SGCZ: variants seen among roughly 807,000 people sequenced by gnomAD.
SGCZ encodes zeta-sarcoglycan.
Under a neutral mutation model 41.3 loss-of-function variants are expected in SGCZ, and 40 were observed. The observed-to-expected ratio is 0.97, with a 90% CI of 0.75 to 1.26. The LOEUF (loss-of-function observed/expected upper bound fraction) is 1.26. Among genes scored for constraint, SGCZ ranks in the 50% most tolerant of loss-of-function variants. The probability of loss-of-function intolerance (pLI) is 0.00; values close to 1 mark genes in which losing one functional copy is unlikely to be tolerated. For synonymous variants in SGCZ, 206 were observed against 137.5 expected (o/e 1.50, Z -3.49); for missense variants, 552 against 369.8 (o/e 1.49, Z -4.04).
At chr8:15,058,063 T>C (rs1750094912) in intron 1 of SGCZ, among the ~76,000 whole-genome samples, 1 of 152,164 alleles carries the variant, frequency 6.6e-6, no homozygotes, top group Non-Finnish European at 1.5e-5. Flanking sequence ...GGAAATTGAA[T>C]AGAGAGCAAC....
chr8:14,631,374 C>T (rs1199517918), intron 1 of SGCZ, among the ~76,000 whole-genome samples: 7 of 151,998 alleles, frequency 4.6e-5, no homozygotes, highest in South Asian at 4.1e-4. Context: ...TACTTACTCA[C>T]GAGAGCCTAT....
At chr8:14,242,276 C>A (rs543631248) in intron 3 of SGCZ, among the ~76,000 whole-genome samples, 14 of 152,220 alleles carry the variant, frequency 9.2e-5, no homozygotes, top group African/African-American at 3.4e-4. Flanking sequence ...GTGGTACAAA[C>A]AGCAACCAAC....
chr8:14,531,853 G>A (rs998856422), intron 2 of SGCZ, among the ~76,000 whole-genome samples: 1 of 152,032 alleles, frequency 6.6e-6, no homozygotes, highest in African/African-American at 2.4e-5. Context: ...ATGTAAGGAA[G>A]CAAGAGATTA....
At chr8:14,162,544 C>T (rs561709614) in intron 5 of SGCZ, 41 of 152,254 alleles carry the variant, frequency 2.7e-4, no homozygotes, top group African/African-American at 9.6e-4. Context: ...ACAAACAGAA[C>T]TCTCTTTCTC....
At chr8:14,863,324 A>G (rs955152105) in intron 1 of SGCZ, among the ~76,000 whole-genome samples, 2 of 152,018 alleles carry the variant, frequency 1.3e-5, no homozygotes, top group Non-Finnish European at 2.9e-5. Flanking sequence ...TTTAATTACT[A>G]TTATTATTAC....
intron 1 of SGCZ, among the ~76,000 whole-genome samples, chr8:15,237,344 G>T (rs1008668124): frequency 1.2e-4 from 18 of 152,342 alleles, no homozygotes; most frequent in African/African-American, 4.3e-4. Context: ...GTGGCCGCTG[G>T]CGGGAGGAGC....
intron 3 of SGCZ, among the ~76,000 whole-genome samples, chr8:14,305,602 G>A (rs1381121968): frequency 6.6e-6 from 1 of 152,158 alleles, no homozygotes; most frequent in Non-Finnish European, 1.5e-5. Flanking sequence ...CAGTCTGTCA[G>A]AGAGAGTGTT....
intron 1 of SGCZ, among the ~76,000 whole-genome samples, chr8:14,904,834 A>T (rs59491954): frequency 0.054 from 8,230 of 151,972 alleles, 504 homozygotes; most frequent in African/African-American, 0.14. Context: ...GATTTTCTCT[A>T]TAATCTTATT....
At chr8:14,918,040 T>C (rs1039202586) in intron 1 of SGCZ, among the ~76,000 whole-genome samples, 1 of 152,154 alleles carries the variant, frequency 6.6e-6, no homozygotes, top group Non-Finnish European at 1.5e-5. Flanking sequence ...TTGGCAAGTA[T>C]AGAGATAGTA....
rs563001519 is a variant in SGCZ, at chr8:15,174,843, A to G, written c.39+62742T>C. Among the ~76,000 whole-genome samples, 6 of 152,312 alleles carry G rather than the reference A, an allele frequency of 3.9e-5. 1 individual carries two copies. In the South Asian group the frequency reaches 1.2e-3, roughly 32 times the overall value. On this transcript the variant is annotated intron_variant, in intron 1 of 7. Transcript: ENST00000382080. ...AAAATTATTGGCTATTACTAAAAAC[A>G]TAACACATGCTGGTAAGGTTGTGGA...
In SGCZ at chr8:14,411,510, C is replaced by A. The variant is rs186980192; in HGVS notation, c.235-87306G>T. Among the ~76,000 whole-genome samples, 20 of 152,144 alleles carry A rather than the reference C, an allele frequency of 1.3e-4. No homozygotes were observed. In the East Asian group the frequency reaches 3.7e-3, roughly 28 times the overall value. ...CCGAGGGAAGATTGAGAATGTGATA[C>A]TTCACTTGCTGCCTACAGCATATAA... is the stretch of plus-strand genomic sequence containing the variant. On this transcript the variant is annotated intron_variant, in intron 2 of 7. Coordinates refer to ENST00000382080, the MANE Select transcript of SGCZ (RefSeq NM_139167.4).
At chr8:14,177,577 T>G (rs944415521) in intron 4 of SGCZ, among the ~76,000 whole-genome samples, 1 of 151,566 alleles carries the variant, frequency 6.6e-6, no homozygotes, top group African/African-American at 2.4e-5. Context: ...TGGCGCCATC[T>G]GGGCTCACTG....
chr8:15,084,372 T>C (rs1173548528), intron 1 of SGCZ, among the ~76,000 whole-genome samples: 1 of 152,196 alleles, frequency 6.6e-6, no homozygotes, highest in Non-Finnish European at 1.5e-5. Flanking sequence ...TCACTGCTTA[T>C]TCAGATGAAC....
chr8:14,810,056 C>G (rs1245402839), intron 1 of SGCZ, among the ~76,000 whole-genome samples: 1 of 151,806 alleles, frequency 6.6e-6, no homozygotes, highest in Non-Finnish European at 1.5e-5. Context: ...TTTTAACATA[C>G]CACAGACTAT....
intron 3 of SGCZ, among the ~76,000 whole-genome samples, chr8:14,311,739 C>G (rs982407891): frequency 1.3e-5 from 2 of 152,058 alleles, no homozygotes; most frequent in Admixed American, 6.6e-5. Context: ...AATTTGTATT[C>G]TTTGAATATA....
intron 5 of SGCZ, among the ~76,000 whole-genome samples, chr8:14,116,070 G>A (rs1303270890): frequency 7.9e-5 from 12 of 151,978 alleles, no homozygotes; most frequent in Admixed American, 7.9e-4. Flanking sequence ...ATATCAAAGT[G>A]CTTTCTATGG....
chr8:14,722,564 C>T (rs989310052), intron 1 of SGCZ, among the ~76,000 whole-genome samples: 1 of 151,756 alleles, frequency 6.6e-6, no homozygotes, highest in Non-Finnish European at 1.5e-5. Flanking sequence ...TTATTACTTT[C>T]CTCACTGAAA....
intron 5 of SGCZ, among the ~76,000 whole-genome samples, chr8:14,162,258 A>C (rs1804069985): frequency 6.6e-6 from 1 of 152,186 alleles, no homozygotes; most frequent in African/African-American, 2.4e-5. Flanking sequence ...ATCTCCCTTT[A>C]CTTATGATTG....
intron 1 of SGCZ, among the ~76,000 whole-genome samples, chr8:15,033,142 C>T (rs547627421): frequency 6.7e-6 from 1 of 150,074 alleles, no homozygotes; most frequent in East Asian, 2.0e-4. Context: ...GGGTCCAGGC[C>T]CATCCCACTA....
Sources: allele counts gnomAD v4.1 joint callset (sites outside exome capture counted in the v4.1 genomes callset), GRCh38; gene constraint gnomAD v4.1.1; transcripts MANE v1.5; gene names NCBI Gene and HGNC (gene_info 2026-07-23, HGNC 2026-07-21).